Variants in DACH1 observed in about 807,000 individuals in gnomAD.
DACH1 encodes dachshund homolog 1.
Under a neutral mutation model 54.2 loss-of-function variants are expected in DACH1, and 12 were observed. The ratio of observed to expected loss-of-function variants is 0.22; its 90% CI spans 0.14 to 0.36. The LOEUF is 0.36. Among genes scored for constraint, DACH1 ranks in the 10% least tolerant of loss-of-function variants. DACH1 has a pLI of 1.00. For synonymous variants in DACH1, 386 were observed against 366.2 expected, an observed-to-expected ratio of 1.05 and a Z score of -0.62; for missense variants, 805 against 929.8, an observed-to-expected ratio of 0.87 and a Z score of 1.75.
At chr13:71,673,257 G>T (rs540100042) in intron 2 of DACH1, among the ~76,000 whole-genome samples, 3 of 152,036 alleles carry the variant, frequency 2.0e-5, no homozygotes, top group Admixed American at 2.0e-4. Context: ...AGATAAGAAA[G>T]AAATGATTTT....
At chr13:71,616,174 T>C (rs1875747660) in intron 3 of DACH1, among the ~76,000 whole-genome samples, 1 of 152,170 alleles carries the variant, frequency 6.6e-6, no homozygotes, top group African/African-American at 2.4e-5. Context: ...CACTTCCATG[T>C]TTTGGCTCTC....
At chr13:71,611,562 T>G (rs1875330232) in intron 3 of DACH1, among the ~76,000 whole-genome samples, 1 of 152,214 alleles carries the variant, frequency 6.6e-6, no homozygotes. Context: ...CATTTCCTCA[T>G]GCACAGCTGT....
intron 1 of DACH1, among the ~76,000 whole-genome samples, chr13:71,841,994 T>C (rs868384117): frequency 2.0e-5 from 3 of 152,140 alleles, no homozygotes; most frequent in Non-Finnish European, 1.5e-5. Context: ...CACTGACAAA[T>C]GAGAAAACTG....
At chr13:71,565,096 A>G (rs1215874721) in intron 4 of DACH1, among the ~76,000 whole-genome samples, 1 of 151,940 alleles carries the variant, frequency 6.6e-6, no homozygotes, top group Non-Finnish European at 1.5e-5. Flanking sequence ...AATTTTTTGT[A>G]TTGTTAGCTG....
intron 1 of DACH1, among the ~76,000 whole-genome samples, chr13:71,688,418 CATT>C (rs1223719654): frequency 1.3e-5 from 2 of 152,154 alleles, no homozygotes; most frequent in Admixed American, 1.3e-4. Context: ...ATATGATTAA[CATT>C]ATTTTCCCTT....
rs550156680 is a variant in DACH1 at position 71,816,847 on chromosome 13, G to T, written c.848+49075C>A. On this transcript the variant is annotated intron_variant, in intron 1 of 10. Transcript: ENST00000613252. ...ATACCACATGTTCTCACTTATAAGT[G>T]GGAGCTAAATGATGAGAACACATGG... 3.3e-5 allele frequency among the ~76,000 whole-genome samples: 5 copies of T among 152,032 alleles called. 1 individual carries two copies. In the East Asian group the frequency reaches 9.7e-4, roughly 30 times the overall value.
At chr13:71,747,111 T>C (rs9542744) in intron 1 of DACH1, among the ~76,000 whole-genome samples, 4,203 of 152,254 alleles carry the variant, frequency 0.028, 91 homozygotes, top group Non-Finnish European at 0.039. Context: ...AGTTGTATGA[T>C]ATATAATATC....
At chr13:71,513,896 C>T (rs1880968065) in intron 6 of DACH1, among the ~76,000 whole-genome samples, 2 of 152,070 alleles carry the variant, frequency 1.3e-5, no homozygotes, top group Admixed American at 1.3e-4. Context: ...CCAGGCCCCT[C>T]TGTCCTCCAC....
chr13:71,633,009 C>T (rs1877220110), intron 2 of DACH1, among the ~76,000 whole-genome samples: 2 of 152,148 alleles, frequency 1.3e-5, no homozygotes, highest in Admixed American at 6.6e-5. Context: ...CCAATGTGAA[C>T]ATCCCATTTT....
chr13:71,755,957 A>T (rs1012873579), intron 1 of DACH1, among the ~76,000 whole-genome samples: 1 of 152,182 alleles, frequency 6.6e-6, no homozygotes, highest in African/African-American at 2.4e-5. Flanking sequence ...AAAAAATGTT[A>T]AATATTAAAG....
At chr13:71,487,611 C>T (rs1416530361) in intron 7 of DACH1, among the ~76,000 whole-genome samples, 1 of 152,168 alleles carries the variant, frequency 6.6e-6, no homozygotes, top group East Asian at 1.9e-4. Context: ...TGCTGTTTTA[C>T]ACTGATGAAA....
At chr13:71,459,677 TA>T (rs1389037976) in intron 10 of DACH1, among the ~76,000 whole-genome samples, 6 of 151,924 alleles carry the variant, frequency 3.9e-5, no homozygotes, top group Non-Finnish European at 8.8e-5. Flanking sequence ...TAGTATTTTA[TA>T]TTTATATTTT....
intron 1 of DACH1, among the ~76,000 whole-genome samples, chr13:71,771,816 G>T (rs897101984): frequency 6.7e-6 from 1 of 150,146 alleles, no homozygotes; most frequent in Non-Finnish European, 1.5e-5. Flanking sequence ...ACTAAGAAAA[G>T]GTAAATATTA....
Position 71,570,527 on chromosome 13 carries a change from T to C in DACH1, c.1299+2313A>G, listed in dbSNP as rs1166939695. 2.0e-5 allele frequency among the ~76,000 whole-genome samples: 3 copies of C among 152,276 alleles called. No homozygotes were observed. In the East Asian group the frequency reaches 5.8e-4, roughly 29 times the overall value. On this transcript the variant is annotated intron_variant, in intron 4 of 10. Transcript: ENST00000613252. ...TTGTTCCCTATTTGGCTGCTACTAT[T>C]ACCATTTACATCAACACTTTCAAAA...
At chr13:71,453,252 A>C (rs1268479517) in intron 10 of DACH1, among the ~76,000 whole-genome samples, 1 of 152,158 alleles carries the variant, frequency 6.6e-6, no homozygotes, top group East Asian at 1.9e-4. Context: ...CTAAGAAACA[A>C]GGGTGGAAGG....
intron 10 of DACH1, among the ~76,000 whole-genome samples, chr13:71,474,571 A>C (rs1305626551): frequency 6.6e-6 from 1 of 152,176 alleles, no homozygotes; most frequent in African/African-American, 2.4e-5. Flanking sequence ...TGAGCATTTA[A>C]TACAACTCCC....
chr13:71,648,352 C>G (rs879369137), intron 2 of DACH1, among the ~76,000 whole-genome samples: 1 of 151,870 alleles, frequency 6.6e-6, no homozygotes, highest in Non-Finnish European at 1.5e-5. Context: ...ATGGTGCAGA[C>G]CAGTTTAGAA....
At chr13:71,771,315 G>GGATA (rs772966671) in intron 1 of DACH1, among the ~76,000 whole-genome samples, 1 of 140,814 alleles carries the variant, frequency 7.1e-6, no homozygotes, top group Admixed American at 6.9e-5. Flanking sequence ...AGAAGCAAAA[G>GGATA]GATAAATAAA....
intron 4 of DACH1, 39 bp from the exon 5 acceptor site, chr13:71,559,994 T>G: frequency 6.9e-7 from 1 of 1,458,620 alleles, no homozygotes; most frequent in Non-Finnish European, 9.1e-7. Flanking sequence ...AGAAAAGATG[T>G]TAAATACAAC....
Sources: allele counts gnomAD v4.1 joint callset (sites outside exome capture counted in the v4.1 genomes callset), GRCh38; gene constraint gnomAD v4.1.1; transcripts MANE v1.5; gene names NCBI Gene and HGNC (gene_info 2026-07-23, HGNC 2026-07-21).